TENM2: variants seen among roughly 807,000 people sequenced by gnomAD.
TENM2 encodes the protein teneurin-2.
In TENM2, 52 loss-of-function variants were observed where a neutral mutation model predicts 245.2. The observed-to-expected ratio is 0.21, with a 90% CI of 0.17 to 0.27. TENM2 has a LOEUF of 0.27. TENM2 is among the 10% of genes least tolerant of loss of function. The pLI, the probability that TENM2 is intolerant of heterozygous loss-of-function variation, is 1.00. For synonymous variants in TENM2, 1,363 were observed against 1,438.9 expected, an observed-to-expected ratio of 0.95 and a Z score of 1.19; for missense variants, 3,046 against 3,666.8, an observed-to-expected ratio of 0.83 and a Z score of 4.37.
chr5:168,233,880 G>A (rs1765173048), intron 25 of TENM2, among the ~76,000 whole-genome samples: 1 of 152,174 alleles, frequency 6.6e-6, no homozygotes, highest in Non-Finnish European at 1.5e-5. Context: ...AAACCCATCA[G>A]ATCTCGTGAT....
At chr5:167,679,600 C>A (rs1324283269) in intron 2 of TENM2, among the ~76,000 whole-genome samples, 1 of 152,028 alleles carries the variant, frequency 6.6e-6, no homozygotes, top group Admixed American at 6.6e-5. Flanking sequence ...GCATGCAAAT[C>A]TTTATTTTTA....
intron 5 of TENM2, among the ~76,000 whole-genome samples, chr5:168,005,377 A>T (rs1455805244): frequency 6.6e-6 from 1 of 152,206 alleles, no homozygotes; most frequent in Non-Finnish European, 1.5e-5. Flanking sequence ...CACGAAAGCC[A>T]AGTCTGAACT....
At chr5:167,840,126 T>C (rs1177865890) in intron 2 of TENM2, among the ~76,000 whole-genome samples, 3 of 152,224 alleles carry the variant, frequency 2.0e-5, no homozygotes, top group Admixed American at 6.5e-5. Flanking sequence ...CAACCCAAAC[T>C]TTCCTTATTC....
chr5:167,769,279 G>A (rs769752224), intron 2 of TENM2, among the ~76,000 whole-genome samples: 3 of 152,130 alleles, frequency 2.0e-5, no homozygotes, highest in Non-Finnish European at 4.4e-5. Flanking sequence ...TGTGAACCTC[G>A]TCAGTGTAAG....
At chr5:167,012,190 G>T in the TENM2 span, among the ~76,000 whole-genome samples, 1 of 152,106 alleles carries the variant, frequency 6.6e-6, no homozygotes, top group Non-Finnish European at 1.5e-5. Context: ...TCTCACAAAG[G>T]TTATGACTAT....
the TENM2 span, among the ~76,000 whole-genome samples, chr5:167,055,566 T>C: frequency 6.6e-6 from 1 of 152,118 alleles, no homozygotes; most frequent in Admixed American, 6.5e-5. Flanking sequence ...ATTCATTCAG[T>C]TCTTCTTTGA....
intron 13 of TENM2, among the ~76,000 whole-genome samples, chr5:168,184,745 G>A (rs549118677): frequency 7.9e-5 from 12 of 152,276 alleles, no homozygotes; most frequent in Admixed American, 4.6e-4. Context: ...CCTCTCCATC[G>A]ACACAGGGCC....
At chr5:167,999,149 C>G (rs1485565389) in intron 5 of TENM2, among the ~76,000 whole-genome samples, 2 of 152,166 alleles carry the variant, frequency 1.3e-5, no homozygotes, top group African/African-American at 4.8e-5. Context: ...ACTCACTGCT[C>G]TTTGACTATC....
intron 5 of TENM2, among the ~76,000 whole-genome samples, chr5:167,999,823 T>A (rs1784302477): frequency 6.6e-6 from 1 of 152,204 alleles, no homozygotes; most frequent in Non-Finnish European, 1.5e-5. Context: ...GGAAACAGGT[T>A]CTGGTCCTGA....
intron 6 of TENM2, among the ~76,000 whole-genome samples, chr5:168,061,224 C>T (rs1441470436): frequency 6.6e-6 from 1 of 151,950 alleles, no homozygotes; most frequent in African/African-American, 2.4e-5. Flanking sequence ...CTTTTTTTCC[C>T]CATTTTAGAG....
At chr5:167,265,777 A>G in the TENM2 span, among the ~76,000 whole-genome samples, 139,924 of 152,228 alleles carry the variant, frequency 0.92, 64,379 homozygotes, top group East Asian at 0.98. Flanking sequence ...TTCCAAGCAC[A>G]CATGTTACGG....
intron 7 of TENM2, among the ~76,000 whole-genome samples, chr5:168,078,860 G>T (rs1460107345): frequency 6.6e-6 from 1 of 152,168 alleles, no homozygotes; most frequent in East Asian, 1.9e-4. Context: ...AAGTCAGGTA[G>T]CATGATGCCT....
the TENM2 span, among the ~76,000 whole-genome samples, chr5:167,006,486 C>G: frequency 6.6e-6 from 1 of 152,058 alleles, no homozygotes; most frequent in Non-Finnish European, 1.5e-5. Context: ...TTAAAATCAG[C>G]CTGATTCCCA....
chr5:167,391,426 G>T (rs1447399104), intron 2 of TENM2, among the ~76,000 whole-genome samples: 2 of 151,972 alleles, frequency 1.3e-5, no homozygotes, highest in Non-Finnish European at 2.9e-5. Context: ...AAGAGTTTAA[G>T]ACCAGCCTGG....
intron 1 of TENM2, among the ~76,000 whole-genome samples, chr5:167,320,166 T>C (rs923068662): frequency 1.3e-5 from 2 of 152,220 alleles, no homozygotes; most frequent in Admixed American, 6.5e-5. Flanking sequence ...TCTTAACAGA[T>C]GATCTGCTAT....
chr5:167,632,596 A>G (rs983502264), intron 2 of TENM2, among the ~76,000 whole-genome samples: 1 of 152,142 alleles, frequency 6.6e-6, no homozygotes, highest in African/African-American at 2.4e-5. Context: ...CAGTTTGTTT[A>G]TTTTGTTGCT....
the TENM2 span, among the ~76,000 whole-genome samples, chr5:167,083,314 A>G: frequency 6.6e-6 from 1 of 152,122 alleles, no homozygotes; most frequent in East Asian, 1.9e-4. Flanking sequence ...CATCTTATGA[A>G]TCTGTGCTCT....
the TENM2 span, among the ~76,000 whole-genome samples, chr5:167,203,232 C>T: frequency 6.3e-4 from 96 of 152,248 alleles, no homozygotes; most frequent in African/African-American, 2.1e-3. Context: ...AAGGCCCTTA[C>T]GATCAATGGC....
the TENM2 span, among the ~76,000 whole-genome samples, chr5:167,233,258 G>T: frequency 3.9e-5 from 6 of 152,278 alleles, no homozygotes; most frequent in Admixed American, 1.3e-4. Context: ...CTGGTTGGCT[G>T]CTTATGCATA....
Sources: gnomAD v4.1 joint callset for allele counts (sites outside exome capture counted in the v4.1 genomes callset) on GRCh38, gnomAD v4.1.1 for gene constraint, MANE v1.5 for transcripts, NCBI Gene and HGNC (gene_info 2026-07-23, HGNC 2026-07-21) for gene names.